OR6N1: variants seen among roughly 807,000 people sequenced by gnomAD.
OR6N1 encodes olfactory receptor 6N1.
For synonymous variants in OR6N1, 170 were observed against 150.7 expected (o/e 1.13, Z -0.94); for missense variants, 394 against 371.7 (o/e 1.06, Z -0.49).
the OR6N1 span, chr1:158,777,571 T>C: frequency 6.2e-6 from 10 of 1,613,936 alleles, no homozygotes; most frequent in East Asian, 2.2e-5. Context: ...GCCCCTGACA[T>C]AGCCCACACT....
the OR6N1 span, among the ~76,000 whole-genome samples, chr1:158,815,214 C>CTTCA: frequency 5.9e-5 from 9 of 152,100 alleles, no homozygotes; most frequent in Non-Finnish European, 8.8e-5. Context: ...TTAGGAGTCC[C>CTTCA]TTCATTCATT....
rs562265635 is a variant in OR6N1 at position 158,764,419 on chromosome 1, C to T, written c.*1325G>A. 6 of 150,848 alleles carry T rather than the reference C, an allele frequency of 4.0e-5. No individual in the cohort carries two copies. The highest frequency in any genetic ancestry group is 8.9e-5 in the Non-Finnish European group (6 of 67,672). The allele number at this position is 150,848 out of a possible 1,614,324, so 9.3% of individuals were successfully genotyped here. A position where few individuals can be genotyped will look rare whatever the true frequency, so the allele number is the denominator to read the frequency against. The stretch of plus-strand genomic sequence containing the variant: ...TATATTCTCAACTCTTTTAAAACAC[C>T]CTAAAGGTAGGACCTGGACATATAT... On this transcript the variant is annotated 3_prime_UTR_variant, in exon 2 of 2. Coordinates refer to ENST00000641846, the MANE Select transcript of OR6N1 (RefSeq NM_001005185.2).
the OR6N1 span, among the ~76,000 whole-genome samples, chr1:158,818,344 G>C: frequency 2.0e-5 from 3 of 152,162 alleles, no homozygotes; most frequent in Admixed American, 2.0e-4. Context: ...CAACAAATAG[G>C]TATTAAATTA....
At chr1:158,789,212 G>A in the OR6N1 span, among the ~76,000 whole-genome samples, 1 of 152,116 alleles carries the variant, frequency 6.6e-6, no homozygotes, top group African/African-American at 2.4e-5. Context: ...ATCTCATTGT[G>A]TGTATATGCC....
At chr1:158,826,114 T>C in the OR6N1 span, among the ~76,000 whole-genome samples, 1 of 151,480 alleles carries the variant, frequency 6.6e-6, no homozygotes, top group African/African-American at 2.4e-5. Flanking sequence ...CAGAACCTAC[T>C]TGAGGGTGAA....
At chr1:158,830,247 T>C in the OR6N1 span, among the ~76,000 whole-genome samples, 1 of 152,204 alleles carries the variant, frequency 6.6e-6, no homozygotes, top group Non-Finnish European at 1.5e-5. Context: ...AGCATCAGCA[T>C]AAGAGAGAAA....
the OR6N1 span, among the ~76,000 whole-genome samples, chr1:158,820,303 TGGCCAGTTTGGG>T: frequency 2.0e-5 from 3 of 152,242 alleles, no homozygotes; most frequent in Middle Eastern, 3.2e-3. Context: ...ATTTTGTTTA[TGGCCAGTTTGGG>T]GGCCAGTTTA....
chr1:158,786,891 T>C, the OR6N1 span, among the ~76,000 whole-genome samples: 1 of 152,186 alleles, frequency 6.6e-6, no homozygotes, highest in Non-Finnish European at 1.5e-5. Context: ...TTGGGTATGG[T>C]GCACACTGCT....
At chr1:158,824,666 A>T in the OR6N1 span, among the ~76,000 whole-genome samples, 1 of 152,176 alleles carries the variant, frequency 6.6e-6, no homozygotes, top group African/African-American at 2.4e-5. Context: ...AATCCCACAT[A>T]CCTACAACCA....
the OR6N1 span, among the ~76,000 whole-genome samples, chr1:158,797,333 G>C: frequency 6.6e-6 from 1 of 152,128 alleles, no homozygotes; most frequent in African/African-American, 2.4e-5. Context: ...TGTGAATCAG[G>C]GGAAATTTCC....
At chr1:158,814,317 T>TAC in the OR6N1 span, among the ~76,000 whole-genome samples, 1 of 152,346 alleles carries the variant, frequency 6.6e-6, no homozygotes, top group Admixed American at 6.5e-5. Flanking sequence ...TGTGTGTGTA[T>TAC]GTATATACAT....
the OR6N1 span, among the ~76,000 whole-genome samples, chr1:158,790,556 C>T: frequency 6.6e-6 from 1 of 152,008 alleles, no homozygotes; most frequent in Non-Finnish European, 1.5e-5. Context: ...AGGTGCTCGC[C>T]ACCACGCCTG....
chr1:158,820,942 T>C, the OR6N1 span, among the ~76,000 whole-genome samples: 1 of 152,308 alleles, frequency 6.6e-6, no homozygotes, highest in East Asian at 1.9e-4. Context: ...GAAAAAGAAC[T>C]GTGATTAAAG....
the OR6N1 span, among the ~76,000 whole-genome samples, chr1:158,812,098 C>T: frequency 6.6e-6 from 1 of 152,194 alleles, no homozygotes; most frequent in Non-Finnish European, 1.5e-5. Context: ...TACTAAAACA[C>T]CCCCAATTTG....
chr1:158,807,508 T>C, the OR6N1 span, among the ~76,000 whole-genome samples: 1 of 152,164 alleles, frequency 6.6e-6, no homozygotes, highest in Non-Finnish European at 1.5e-5. Context: ...GAGGAAGCAA[T>C]AGAGGAGCTG....
At chr1:158,791,977 G>A in the OR6N1 span, among the ~76,000 whole-genome samples, 3 of 152,164 alleles carry the variant, frequency 2.0e-5, no homozygotes, top group Non-Finnish European at 2.9e-5. Context: ...TATCTGTCTA[G>A]TGCTGCCAGT....
the OR6N1 span, among the ~76,000 whole-genome samples, chr1:158,780,730 A>C: frequency 3.3e-5 from 5 of 152,346 alleles, no homozygotes; most frequent in East Asian, 9.6e-4. Flanking sequence ...AATTGTAAGT[A>C]GAATTATCGT....
chr1:158,810,102 G>T, the OR6N1 span, among the ~76,000 whole-genome samples: 1 of 152,148 alleles, frequency 6.6e-6, no homozygotes, highest in South Asian at 2.1e-4. Context: ...GAAGAGCCTT[G>T]AGCATTTGTT....
chr1:158,834,288 A>G, the OR6N1 span, among the ~76,000 whole-genome samples: 1 of 140,744 alleles, frequency 7.1e-6, no homozygotes, highest in Non-Finnish European at 1.5e-5. Context: ...GCTGGAGTGC[A>G]GTGGCGCGAT....
Sources: allele counts gnomAD v4.1 joint callset (sites outside exome capture counted in the v4.1 genomes callset), GRCh38; gene constraint gnomAD v4.1.1; transcripts MANE v1.5; gene names NCBI Gene and HGNC (gene_info 2026-07-23, HGNC 2026-07-21).